Variants in PSEN2 observed in about 807,000 individuals in gnomAD.
The protein encoded by PSEN2 is presenilin 2, also known as presenilin-2.
PSEN2 carries 32 observed loss-of-function variants against 49.1 expected under a neutral mutation model. That is an observed-to-expected ratio of 0.65 (90% CI 0.49 to 0.88). The LOEUF is 0.88. PSEN2 is among the 40% of genes least tolerant of loss of function. The pLI, the probability that PSEN2 is intolerant of heterozygous loss-of-function variation, is 0.00. For missense variants in PSEN2, 522 were observed against 586.9 expected, an observed-to-expected ratio of 0.89 and a Z score of 1.14; for synonymous variants, 255 against 244.0, an observed-to-expected ratio of 1.05 and a Z score of -0.42.
chr1:226,880,429 C>A, intron 3 of PSEN2: 1 of 1,207,362 alleles, frequency 8.3e-7, no homozygotes, highest in Non-Finnish European at 1.1e-6. Flanking sequence ...TACTTGGAGA[C>A]GAACTTTCAG....
chr1:226,879,535 C>G (rs1266033368), intron 3 of PSEN2, among the ~76,000 whole-genome samples: 4 of 152,322 alleles, frequency 2.6e-5, no homozygotes, highest in East Asian at 3.9e-4. Flanking sequence ...CTACCAGGTC[C>G]CCACACTTGA....
Position 226,894,068 on chromosome 1 carries a change from T to A in PSEN2, c.1134T>A (p.Ala378=), listed in dbSNP as rs761844882. ...IFYSVLVGKA[A]ATGSGDWNTT... is the part of the protein sequence containing the mutation. ...ACAGTGTGCTGGTGGGCAAGGCGGC[T>A]GCCACGGGCAGCGGGGACTGGAATA... Residue 378 remains alanine, a synonymous_variant, in exon 12 of 13, where the codon GCT becomes GCA. Coordinates refer to ENST00000366783, the MANE Select transcript of PSEN2 (RefSeq NM_000447.3). The A allele has an allele frequency of 4.3e-6, 7 of 1,614,114 alleles. No homozygotes were observed. Among genetic ancestry groups the A allele is most frequent in the Admixed American group, 1.7e-5 (1 of 60,012 alleles).
Position 226,883,855 on chromosome 1 carries a change from T to C in PSEN2, c.292T>C (p.Cys98Arg), listed in dbSNP as rs756899463. 1.9e-6 allele frequency: 3 copies of C among 1,613,512 alleles called. No individual in the cohort carries two copies. The African/African-American group carries it at 4.0e-5, about 22-fold the overall frequency. ...VIMLFVPVTL[C>R]MIVVVATIKS... ...CATGCTGTTTGTGCCTGTCACTCTG[T>C]GCATGATCGTGGTGGTAGCCACCAT... Residue 98 changes from cysteine to arginine, a missense_variant, in exon 5 of 13, where the codon TGC (cysteine) becomes CGC (arginine). Coordinates refer to ENST00000366783, the MANE Select transcript of PSEN2 (RefSeq NM_000447.3).
At chr1:226,896,945 A>G (rs1662171172), downstream of PSEN2, among the ~76,000 whole-genome samples, 1 of 152,148 alleles carries the variant, frequency 6.6e-6, no homozygotes, top group Admixed American at 6.5e-5. Context: ...TATGAGAGGA[A>G]TGAGAATTGT....
At position 226,885,641 on chromosome 1, in the gene PSEN2, A is replaced by G. The variant is rs139573101; in HGVS notation, c.460A>G (p.Ile154Val). The change falls in exon 6 of 13, where the codon ATC (isoleucine) becomes GTC (valine). Residue 154 changes from isoleucine (I) to valine (V), a missense_variant. Transcript: ENST00000366783. Reference protein sequence around the residue: ...IMISVIVVMTIFLVVLYKYRC... With the variant: ...IMISVIVVMTVFLVVLYKYRC... ...GATCAGCGTCATCGTGGTTATGACCATCTTCTTGGTGGTGCTCTACAAGTA... is the reference window on the plus strand; with the variant it reads ...GATCAGCGTCATCGTGGTTATGACCGTCTTCTTGGTGGTGCTCTACAAGTA... 1.7e-5 allele frequency: 28 copies of G among 1,611,400 alleles called. No individual in the cohort carries two copies. The highest frequency in any genetic ancestry group is 2.4e-5 in the Non-Finnish European group (28 of 1,179,876).
chr1:226,885,518 C>T lies in PSEN2; in HGVS notation c.357-20C>T. On this transcript the variant is annotated intron_variant, in intron 5 of 12. Transcript: ENST00000366783. ...GAGCAGTCAGGGCCGGGAGCATCAG[C>T]CCTTTGCCTTCTCCCTCAGCATCTA... is the stretch of plus-strand genomic sequence containing the variant. 2 of 1,613,132 alleles carry T rather than the reference C, an allele frequency of 1.2e-6. No homozygotes were observed. The highest frequency in any genetic ancestry group is 1.3e-5 in the African/African-American group (1 of 74,866).
chr1:226,880,570 C>CAGCGATCACTCAGCCTCTGGAT, intron 3 of PSEN2: 1 of 1,606,012 alleles, frequency 6.2e-7, no homozygotes, highest in South Asian at 1.1e-5. Flanking sequence ...AGCCTCTGGA[C>CAGCGATCACTCAGCCTCTGGAT]AGCGATCACT....
chr1:226,888,146 A>G lies in PSEN2; in HGVS notation c.554A>G (p.Tyr185Cys), dbSNP rs567036599. 1.9e-6 allele frequency: 3 copies of G among 1,612,996 alleles called. No individual in the cohort carries two copies. The highest frequency in any genetic ancestry group is 1.3e-5 in the African/African-American group (1 of 74,956). ...CTGATGCTGCTGTTCCTCTTCACCT[A>G]TATCTACCTTGGGTAAGTGACAGAT... ...SSLMLLFLFT[Y>C]IYLGEVLKTY... The change falls in exon 7 of 13, where the codon TAT becomes TGT. Residue 185 changes from tyrosine (Y) to cysteine (C), a missense_variant. Physicochemically the swap from Tyr to Cys is radical, Grantham distance 194. Coordinates refer to ENST00000366783, the MANE Select transcript of PSEN2 (RefSeq NM_000447.3).
intron 3 of PSEN2, chr1:226,880,736 C>T: frequency 6.2e-7 from 1 of 1,611,686 alleles, no homozygotes; most frequent in Non-Finnish European, 8.5e-7. Context: ...TACACTGGGT[C>T]CCCCACTTGG....
At chr1:226,876,173 GTGT>G (rs958834333) in intron 3 of PSEN2, among the ~76,000 whole-genome samples, 1 of 152,134 alleles carries the variant, frequency 6.6e-6, no homozygotes, top group African/African-American at 2.4e-5. Context: ...ACACCTAGCA[GTGT>G]TGTTTATCTG....
In PSEN2 at chr1:226,893,942, G is replaced by A. The variant is rs1661928367; in HGVS notation, c.1073-65G>A. On this transcript the variant is annotated intron_variant, in intron 11 of 12. Coordinates refer to ENST00000366783, the MANE Select transcript of PSEN2 (RefSeq NM_000447.3). ...GAGCAGCTGGGCCTTCTGGGCCAGAGTTTCTCTTCTTTTTCCATTCTGTGC... is the reference window on the plus strand; with the variant it reads ...GAGCAGCTGGGCCTTCTGGGCCAGAATTTCTCTTCTTTTTCCATTCTGTGC... 5.6e-6 allele frequency: 8 copies of A among 1,430,908 alleles called. 1 individual carries two copies. In the Admixed American group the frequency reaches 1.3e-4, roughly 24 times the overall value. 88.6% of individuals were successfully genotyped at this position (1,430,908 alleles called of 1,614,324 possible). A position where few individuals can be genotyped will look rare whatever the true frequency, so the allele number is the denominator to read the frequency against.
chr1:226,881,512 G>T (rs1231963523), intron 3 of PSEN2, among the ~76,000 whole-genome samples: 4 of 152,168 alleles, frequency 2.6e-5, no homozygotes, highest in African/African-American at 9.7e-5. Flanking sequence ...TAAGACAAGG[G>T]TGTTTCTTAC....
chr1:226,899,564 A>C (rs1169180649), downstream of PSEN2: 1 of 152,220 alleles, frequency 6.6e-6, no homozygotes, highest in Non-Finnish European at 1.5e-5. Context: ...GGGTATGTAA[A>C]TCTGAAGTTA....
chr1:226,873,510 G>A (rs1345180018), intron 2 of PSEN2, among the ~76,000 whole-genome samples: 1 of 152,042 alleles, frequency 6.6e-6, no homozygotes, highest in Non-Finnish European at 1.5e-5. Context: ...CTGCTTGCCG[G>A]GTTCTAGCGA....
At chr1:226,902,760 G>T in intron 12 of PSEN2, among the ~76,000 whole-genome samples, 1 of 152,146 alleles carries the variant, frequency 6.6e-6, no homozygotes, top group East Asian at 1.9e-4. Flanking sequence ...GGGCTGGCTT[G>T]CAAGCACCTG....
At chr1:226,892,755 C>A (rs1408814427) in intron 11 of PSEN2, among the ~76,000 whole-genome samples, 2 of 152,086 alleles carry the variant, frequency 1.3e-5, no homozygotes, top group African/African-American at 4.8e-5. Flanking sequence ...TCCCACGGGG[C>A]CCGCAGGACT....
chr1:226,887,498 C>T (rs568451095), intron 6 of PSEN2, among the ~76,000 whole-genome samples: 1 of 152,258 alleles, frequency 6.6e-6, no homozygotes, highest in South Asian at 2.1e-4. Context: ...CTTCACTCTC[C>T]CATCCTTGGC....
chr1:226,899,098 T>G (rs1188367229), downstream of PSEN2: 1 of 152,228 alleles, frequency 6.6e-6, no homozygotes, highest in African/African-American at 2.4e-5. Context: ...TTAGGAGTGT[T>G]TTGCTGGACC....
rs1320132683 is a variant in PSEN2 at position 226,895,296 on chromosome 1, T to C, written c.1192-128T>C. The C allele has an allele frequency of 2.7e-5, 28 of 1,023,574 alleles. No individual in the cohort carries two copies. In the East Asian group the frequency reaches 6.5e-4, roughly 24 times the overall value. The allele number at this position is 1,023,574 out of a possible 1,614,324, so 63.4% of individuals were successfully genotyped here. A position where few individuals can be genotyped will look rare whatever the true frequency, so the allele number is the denominator to read the frequency against. ...GCTGTTGCAGGACCAGGGAAGATAA[T>C]GGGGTGTCTAGCGCCGTTATCCGAC... On this transcript the variant is annotated intron_variant, in intron 12 of 12. Transcript: ENST00000366783.
Sources: allele counts gnomAD v4.1 joint callset (sites outside exome capture counted in the v4.1 genomes callset), GRCh38; gene constraint gnomAD v4.1.1; transcripts MANE v1.5; gene names NCBI Gene and HGNC (gene_info 2026-07-23, HGNC 2026-07-21).